Variants in AZIN2 observed in about 807,000 individuals in gnomAD.
AZIN2 encodes ODC antizyme inhibitor-2.
A neutral mutation model predicts 47.8 loss-of-function variants in AZIN2; 28 were observed. The ratio of observed to expected loss-of-function variants is 0.59; its 90% CI spans 0.43 to 0.80. The LOEUF (loss-of-function observed/expected upper bound fraction) is 0.80, where lower values mean the gene tolerates loss of function less well. Among genes scored for constraint, AZIN2 ranks in the 30% least tolerant of loss-of-function variants. The probability of loss-of-function intolerance (pLI) is 0.00; values close to 1 mark genes in which losing one functional copy is unlikely to be tolerated. For synonymous variants in AZIN2, 221 were observed against 239.4 expected (o/e 0.92, Z 0.71); for missense variants, 535 against 582.5 (o/e 0.92, Z 0.84).
the AZIN2 span, chr1:33,160,079 A>C: frequency 8.7e-7 from 1 of 1,142,946 alleles, no homozygotes; most frequent in Non-Finnish European, 1.2e-6. Flanking sequence ...GGGAAATGTC[A>C]CATGCAAAAG....
the AZIN2 span, among the ~76,000 whole-genome samples, chr1:33,154,308 G>A: frequency 6.6e-6 from 1 of 152,090 alleles, no homozygotes; most frequent in South Asian, 2.1e-4. Context: ...CCCTGGAGCA[G>A]GGAGCCTGGG....
chr1:33,165,840 ACT>A, the AZIN2 span: 7 of 286,650 alleles, frequency 2.4e-5, no homozygotes, highest in Non-Finnish European at 4.5e-5. The surrounding 1 kb of genome is among the most constrained non-coding windows in gnomAD (Gnocchi z 4.0). Flanking sequence ...CCACATACAC[ACT>A]CTCTGGCTCC....
At chr1:33,126,629 G>A (rs1261985560), downstream of AZIN2, among the ~76,000 whole-genome samples, 2 of 152,052 alleles carry the variant, frequency 1.3e-5, no homozygotes, top group African/African-American at 2.4e-5. Flanking sequence ...TGAGCTGGGG[G>A]CCTTTAAAAT....
chr1:33,156,768 T>C, the AZIN2 span, among the ~76,000 whole-genome samples: 1 of 152,236 alleles, frequency 6.6e-6, no homozygotes, highest in Non-Finnish European at 1.5e-5. Flanking sequence ...AGATAACTAA[T>C]TGGCATCACA....
intron 5 of AZIN2, among the ~76,000 whole-genome samples, chr1:33,086,201 G>T (rs1641877986): frequency 6.6e-6 from 1 of 152,160 alleles, no homozygotes; most frequent in African/African-American, 2.4e-5. Flanking sequence ...TCTCACAACA[G>T]CCCTGTGAGG....
chr1:33,102,516 G>C (rs535081296), intron 10 of AZIN2, among the ~76,000 whole-genome samples: 1 of 152,046 alleles, frequency 6.6e-6, no homozygotes, highest in Non-Finnish European at 1.5e-5. Flanking sequence ...CCAGCAGCTG[G>C]TCCTCCTCTG....
chr1:33,137,154 T>C, the AZIN2 span, among the ~76,000 whole-genome samples: 1 of 152,102 alleles, frequency 6.6e-6, no homozygotes, highest in Non-Finnish European at 1.5e-5. Context: ...TCAGTTTCCT[T>C]AACTGTAGCA....
chr1:33,112,616 C>T (rs1644336686), intron 10 of AZIN2, among the ~76,000 whole-genome samples: 1 of 152,100 alleles, frequency 6.6e-6, no homozygotes, highest in Non-Finnish European at 1.5e-5. Context: ...GGAGTGGGCA[C>T]ATAGGGAGTT....
Position 33,081,208 on chromosome 1 carries a change from CG to C in AZIN2, c.-488del. The C allele has an allele frequency of 6.5e-6, 1 of 154,212 alleles. No homozygotes were observed. The highest frequency in any genetic ancestry group is 1.4e-5 in the Non-Finnish European group (1 of 69,284). 9.6% of individuals were successfully genotyped at this position (154,212 alleles called of 1,614,324 possible). The stretch of plus-strand genomic sequence containing the variant: ...GGGCGCAGGCCGCGGGACCCGAGCC[CG>C]GGGAAGCGAGAGAGCGGAGGCGCCG... On this transcript the variant is annotated 5_prime_UTR_variant, in exon 1 of 12. Coordinates refer to ENST00000294517, the MANE Select transcript of AZIN2 (RefSeq NM_052998.4). This position sits in a 1 kb window ranked among gnomAD's most constrained non-coding sequence, Gnocchi z 4.2.
At chr1:33,158,434 C>G in the AZIN2 span, 2 of 1,326,454 alleles carry the variant, frequency 1.5e-6, no homozygotes, top group Admixed American at 1.7e-5. Context: ...CCAGGGGCCC[C>G]GCAGCCACCT....
In AZIN2 at chr1:33,096,968, G is replaced by A. The variant is rs2235188; in HGVS notation, c.916+99G>A. On this transcript the variant is annotated intron_variant, in intron 9 of 11. Coordinates refer to ENST00000294517, the MANE Select transcript of AZIN2 (RefSeq NM_052998.4). ...GTTTTAGACCCAGTGGCAGAGGATG[G>A]GGGAATCTGGAGAATGAATGGGTTC... 6,727 of 1,448,802 alleles carry A rather than the reference G, an allele frequency of 4.6e-3. 263 individuals carry two copies. In the East Asian group the frequency reaches 0.1, roughly 23 times the overall value. 89.7% of individuals were successfully genotyped at this position (1,448,802 alleles called of 1,614,324 possible).
the AZIN2 span, among the ~76,000 whole-genome samples, chr1:33,149,309 C>G: frequency 6.6e-6 from 1 of 152,138 alleles, no homozygotes; most frequent in South Asian, 2.1e-4. Flanking sequence ...CGCGCCACCA[C>G]GCCTGGCTAA....
chr1:33,102,716 A>G (rs1290044051), intron 10 of AZIN2, among the ~76,000 whole-genome samples: 1 of 152,124 alleles, frequency 6.6e-6, no homozygotes, highest in African/African-American at 2.4e-5. Flanking sequence ...TGAGGCTCTT[A>G]GTATCTTCCA....
At chr1:33,105,133 G>T (rs530690662) in intron 10 of AZIN2, among the ~76,000 whole-genome samples, 29 of 152,306 alleles carry the variant, frequency 1.9e-4, no homozygotes, top group African/African-American at 7.0e-4. Context: ...GAAATAATCA[G>T]AGCTGGGTGG....
the AZIN2 span, among the ~76,000 whole-genome samples, chr1:33,134,194 C>A: frequency 6.6e-6 from 1 of 152,202 alleles, no homozygotes; most frequent in Non-Finnish European, 1.5e-5. Context: ...GGCAGTCCCT[C>A]AATAAATTTT....
At chr1:33,111,091 G>A (rs551808506) in intron 10 of AZIN2, among the ~76,000 whole-genome samples, 1 of 152,242 alleles carries the variant, frequency 6.6e-6, no homozygotes, top group Non-Finnish European at 1.5e-5. Flanking sequence ...GCTGCTGAGT[G>A]GGGGAGAATC....
At chr1:33,091,549 GT>G (rs58767226) in intron 5 of AZIN2, among the ~76,000 whole-genome samples, 97,120 of 151,656 alleles carry the variant, frequency 0.64, 31,243 homozygotes, top group Middle Eastern at 0.71. Context: ...CCTATTTTCA[GT>G]TTTTTTTTTG....
chr1:33,086,174 A>G (rs1431512054), intron 5 of AZIN2, among the ~76,000 whole-genome samples: 1 of 152,068 alleles, frequency 6.6e-6, no homozygotes, highest in Non-Finnish European at 1.5e-5. Flanking sequence ...TGTTTTCTGT[A>G]CACGATCTCA....
At position 33,121,161 on chromosome 1, in the gene AZIN2, G is replaced by C. The variant is rs16835248; in HGVS notation, c.*979G>C. The stretch of plus-strand genomic sequence containing the variant: ...GGTGTGTGAGCTGTTGAGCAAAGGA[G>C]TTCAGATTTTAGAGTCCCCCTCAGT... On this transcript the variant is annotated 3_prime_UTR_variant, in exon 12 of 12. Transcript: ENST00000294517. Among the ~76,000 whole-genome samples, 1,020 of 152,296 alleles carry C rather than the reference G, an allele frequency of 6.7e-3. 10 individuals are homozygous for C. Among genetic ancestry groups the C allele is most frequent in the African/African-American group, 0.024 (978 of 41,564 alleles).
Sources: allele counts gnomAD v4.1 joint callset (sites outside exome capture counted in the v4.1 genomes callset), GRCh38; gene constraint gnomAD v4.1.1; non-coding constraint Gnocchi (gnomAD v3.1); transcripts MANE v1.5; gene names NCBI Gene and HGNC (gene_info 2026-07-23, HGNC 2026-07-21).